The following COG3 variants were observed in gnomAD, a reference collection of about 807,000 sequenced individuals.
COG3 encodes the protein component of oligomeric golgi complex 3, also known as conserved oligomeric Golgi complex subunit 3.
In COG3, 32 loss-of-function variants were observed where a neutral mutation model predicts 114.1. That is an observed-to-expected ratio of 0.28 (90% confidence interval 0.21 to 0.38). COG3 has a LOEUF of 0.38. Ranked by LOEUF, COG3 falls within the 10% of genes least tolerant of loss-of-function variation. COG3 has a pLI of 1.00. For missense variants in COG3, 813 were observed against 973.2 expected, an observed-to-expected ratio of 0.84 and a Z score of 2.19; for synonymous variants, 352 against 365.7, an observed-to-expected ratio of 0.96 and a Z score of 0.43.
At position 45,536,424 on chromosome 13, in the gene COG3, C is replaced by T. The variant is rs778637445; in HGVS notation, c.*1693C>T. ...CTTTTATTTCTGAAACACTCAAACACCTTACAAAGTGCTGAGTAGGTAATA... is the reference window on the plus strand; with the variant it reads ...CTTTTATTTCTGAAACACTCAAACATCTTACAAAGTGCTGAGTAGGTAATA... On this transcript the variant is annotated 3_prime_UTR_variant, in exon 23 of 23. Coordinates refer to ENST00000349995, the MANE Select transcript of COG3 (RefSeq NM_031431.4). 23 of 152,156 alleles carry T rather than the reference C, an allele frequency of 1.5e-4. No homozygotes were observed. Among genetic ancestry groups the T allele is most frequent in the Admixed American group, 5.2e-4 (8 of 15,274 alleles). 9.4% of individuals were successfully genotyped at this position (152,156 alleles called of 1,614,324 possible). A position where few individuals can be genotyped will look rare whatever the true frequency, so the allele number is the denominator to read the frequency against.
At chr13:45,511,929 G>A (rs1244845008) in intron 16 of COG3, 75 bp downstream of exon 16, 34 of 1,139,156 alleles carry the variant, frequency 3.0e-5, no homozygotes, top group Non-Finnish European at 4.4e-5. Context: ...TATAGGCACA[G>A]AAGTTTAAAG....
At position 45,534,736 on chromosome 13, in the gene COG3, GC is replaced by G. The variant is rs1873442683; in HGVS notation, c.*7del. The G allele has an allele frequency of 6.4e-7, 1 of 1,559,222 alleles. No homozygotes were observed. Among genetic ancestry groups the G allele is most frequent in the Non-Finnish European group, 8.7e-7 (1 of 1,151,270 alleles). On this transcript the variant is annotated 3_prime_UTR_variant, in exon 23 of 23. Transcript: ENST00000349995. ...CTGCTGTTGGTTTCTAAATAAGCAGGCCAGCCGGGCTGTGCACCTAAATGTC... is the reference window on the plus strand; with the variant it reads ...CTGCTGTTGGTTTCTAAATAAGCAGGCAGCCGGGCTGTGCACCTAAATGTC...
intron 17 of COG3, among the ~76,000 whole-genome samples, chr13:45,517,608 A>G (rs757285279): frequency 6.6e-6 from 1 of 151,842 alleles, no homozygotes; most frequent in Non-Finnish European, 1.5e-5. Context: ...GCCTTTACAG[A>G]ACACATAGTT....
intron 16 of COG3, among the ~76,000 whole-genome samples, chr13:45,514,011 CTA>C (rs1386940393): frequency 3.9e-5 from 6 of 152,002 alleles, no homozygotes; most frequent in African/African-American, 1.4e-4. Context: ...TTTTAGGTGA[CTA>C]TGGATGATTT....
intron 19 of COG3, 57 bp downstream of exon 19, chr13:45,519,151 T>A: frequency 6.3e-7 from 1 of 1,579,354 alleles, no homozygotes; most frequent in Non-Finnish European, 8.6e-7. Context: ...TTAGATTTCC[T>A]TTTGAATTAC....
At chr13:45,465,469 C>T (rs568038620) in intron 1 of COG3, 241 of 511,840 alleles carry the variant, frequency 4.7e-4, no homozygotes, top group Non-Finnish European at 7.3e-4. Context: ...CAGTCCTCCC[C>T]CAGCAGCATG....
Position 45,534,850 on chromosome 13 carries a change from G to T in COG3, c.*119G>T. 7.3e-7 allele frequency: 1 copy of T among 1,372,642 alleles called. No homozygotes were observed. The highest frequency in any genetic ancestry group is 9.4e-7 in the Non-Finnish European group (1 of 1,066,588). 85.0% of individuals were successfully genotyped at this position (1,372,642 alleles called of 1,614,324 possible). ...GAACGTCCCCGAGAACCACACGAGCGTGCTGCTCAGTGCTGACTGCAGAAT... is the reference window on the plus strand; with the variant it reads ...GAACGTCCCCGAGAACCACACGAGCTTGCTGCTCAGTGCTGACTGCAGAAT... On this transcript the variant is annotated 3_prime_UTR_variant, in exon 23 of 23. Coordinates refer to ENST00000349995, the MANE Select transcript of COG3 (RefSeq NM_031431.4).
chr13:45,507,460 C>G (rs1870284727), intron 14 of COG3, among the ~76,000 whole-genome samples: 1 of 151,980 alleles, frequency 6.6e-6, no homozygotes, highest in East Asian at 1.9e-4. Context: ...AAAAAGCTTA[C>G]AGAATTGTAA....
chr13:45,520,322 G>A (rs112215698), intron 19 of COG3, among the ~76,000 whole-genome samples: 207 of 149,074 alleles, frequency 1.4e-3, no homozygotes, highest in African/African-American at 4.8e-3. Context: ...AATAAAAAAA[G>A]AGAAAGAAAG....
intron 11 of COG3, among the ~76,000 whole-genome samples, chr13:45,492,996 G>C (rs1887109805): frequency 6.6e-6 from 1 of 152,130 alleles, no homozygotes; most frequent in South Asian, 2.1e-4. Flanking sequence ...TGATAGTGAA[G>C]TAGAATATAA....
Position 45,494,346 on chromosome 13 carries a change from A to G in COG3, c.1327+860A>G, listed in dbSNP as rs1868478374. Among the ~76,000 whole-genome samples, 13 of 150,894 alleles carry G rather than the reference A, an allele frequency of 8.6e-5. 1 individual carries two copies. In the South Asian group the frequency reaches 2.5e-3, roughly 29 times the overall value. ...GTCTTAAAAAAAAAAAAAAAAAAAC[A>G]ACCTTTCAAGTAATTATTCTACTCA... On this transcript the variant is annotated intron_variant, in intron 12 of 22. Coordinates refer to ENST00000349995, the MANE Select transcript of COG3 (RefSeq NM_031431.4).
intron 16 of COG3, 42 bp downstream of exon 16, chr13:45,511,896 T>C: frequency 7.0e-7 from 1 of 1,431,366 alleles, no homozygotes; most frequent in Non-Finnish European, 9.9e-7. Context: ...CCTGGTAAAA[T>C]ATTGTGGAAT....
intron 2 of COG3, among the ~76,000 whole-genome samples, chr13:45,478,786 G>A (rs1025212330): frequency 6.6e-6 from 1 of 152,230 alleles, no homozygotes; most frequent in Non-Finnish European, 1.5e-5. Context: ...ACCACACCCG[G>A]TGAAATGGCC....
At chr13:45,505,214 T>C (rs906101107) in intron 14 of COG3, among the ~76,000 whole-genome samples, 3 of 151,660 alleles carry the variant, frequency 2.0e-5, no homozygotes, top group African/African-American at 7.3e-5. Context: ...AAGGAAAATA[T>C]CTTATTAGTA....
intron 4 of COG3, 47 bp downstream of exon 4, chr13:45,480,337 A>G (rs1460455337): frequency 8.0e-7 from 1 of 1,243,484 alleles, no homozygotes; most frequent in African/African-American, 1.5e-5. Flanking sequence ...TTAATATTTT[A>G]AAATAGATGA....
chr13:45,491,508 C>T lies in COG3; in HGVS notation c.1065C>T (p.Thr355=). 6.2e-7 allele frequency: 1 copy of T among 1,613,044 alleles called. No homozygotes were observed. The highest frequency in any genetic ancestry group is 8.5e-7 in the Non-Finnish European group (1 of 1,179,480). The part of the protein sequence containing the change: ...PSIACTVAEL[T]SQNNRDHCAL... The stretch of plus-strand genomic sequence containing the variant: ...TTGCTTGCACTGTTGCAGAGTTAAC[C>T]AGCCAAAATAATAGAGATCACTGTG... Residue 355 remains threonine (T), a synonymous_variant, in exon 10 of 23, where the codon ACC becomes ACT. Transcript: ENST00000349995.
At chr13:45,505,371 A>G (rs1356563733) in intron 14 of COG3, among the ~76,000 whole-genome samples, 3 of 148,508 alleles carry the variant, frequency 2.0e-5, no homozygotes, top group African/African-American at 5.0e-5. Flanking sequence ...GTGCAGTCTC[A>G]GCTCACTGCA....
At position 45,536,595 on chromosome 13, in the gene COG3, A is replaced by G. The variant is rs1566279333; in HGVS notation, c.*1864A>G. The G allele has an allele frequency of 6.6e-6, 1 of 152,200 alleles. No homozygotes were observed. Among genetic ancestry groups the G allele is most frequent in the African/African-American group, 2.4e-5 (1 of 41,448 alleles). 9.4% of individuals were successfully genotyped at this position (152,200 alleles called of 1,614,324 possible). ...AAATTGCTGTTTTTAATAAATGTGA[A>G]TTTTTTAAAAATAAAGATTTTTGCT... On this transcript the variant is annotated 3_prime_UTR_variant, in exon 23 of 23. Coordinates refer to ENST00000349995, the MANE Select transcript of COG3 (RefSeq NM_031431.4).
At chr13:45,476,788 G>T (rs761507844) in intron 2 of COG3, among the ~76,000 whole-genome samples, 2 of 151,968 alleles carry the variant, frequency 1.3e-5, no homozygotes, top group Non-Finnish European at 2.9e-5. Flanking sequence ...TTTTTTCTTG[G>T]TTTTTGTTCA....
Sources: gnomAD v4.1 joint callset for allele counts (sites outside exome capture counted in the v4.1 genomes callset) on GRCh38, gnomAD v4.1.1 for gene constraint, MANE v1.5 for transcripts, NCBI Gene and HGNC (gene_info 2026-07-23, HGNC 2026-07-21) for gene names.